Variants in WDR7 observed in about 807,000 individuals in gnomAD.
The protein encoded by WDR7 is WD repeat domain 7, also known as WD repeat-containing protein 7.
Under a neutral mutation model 169.4 loss-of-function variants are expected in WDR7, and 46 were observed. That is an observed-to-expected ratio of 0.27 (90% CI 0.21 to 0.35). WDR7 has a LOEUF of 0.35. Ranked by LOEUF, WDR7 falls within the 10% of genes least tolerant of loss-of-function variation. The probability of loss-of-function intolerance (pLI) is 1.00; values close to 1 mark genes in which losing one functional copy is unlikely to be tolerated. For synonymous variants in WDR7, 612 were observed against 666.8 expected (o/e 0.92, Z 1.27); for missense variants, 1,534 against 1,859.3 (o/e 0.83, Z 3.22).
At chr18:56,779,674 G>A (rs2044289745) in intron 18 of WDR7, 125 bp downstream of exon 18, 2 of 697,080 alleles carry the variant, frequency 2.9e-6, no homozygotes, top group African/African-American at 1.8e-5. Flanking sequence ...GATAGAAAAT[G>A]TGGATTCATG....
chr18:56,742,341 A>G (rs1408188290), intron 14 of WDR7, among the ~76,000 whole-genome samples: 1 of 152,226 alleles, frequency 6.6e-6, no homozygotes, highest in Non-Finnish European at 1.5e-5. Flanking sequence ...CTCTTATTTG[A>G]GAACTCAAAG....
chr18:56,982,808 C>T (rs2047664958), intron 26 of WDR7, among the ~76,000 whole-genome samples: 1 of 152,188 alleles, frequency 6.6e-6, no homozygotes, highest in Admixed American at 6.5e-5. Context: ...AAATAAAGCA[C>T]CATGATAATG....
intron 14 of WDR7, among the ~76,000 whole-genome samples, 159 bp downstream of exon 14, chr18:56,731,756 TC>T (rs2144808261): frequency 6.6e-6 from 1 of 152,354 alleles, no homozygotes; most frequent in African/African-American, 2.4e-5. Context: ...TTTGAGTTTT[TC>T]AAGTACTTGG....
At chr18:56,925,060 T>C (rs555545669) in intron 22 of WDR7, among the ~76,000 whole-genome samples, 2 of 152,342 alleles carry the variant, frequency 1.3e-5, no homozygotes, top group African/African-American at 4.8e-5. Flanking sequence ...GCTTCTTCAC[T>C]GACATGATGT....
At chr18:56,915,012 T>G (rs1457646894) in intron 21 of WDR7, among the ~76,000 whole-genome samples, 2 of 152,236 alleles carry the variant, frequency 1.3e-5, no homozygotes, top group African/African-American at 4.8e-5. Context: ...ACTGTTTTGA[T>G]TAAACTGATG....
intron 12 of WDR7, among the ~76,000 whole-genome samples, chr18:56,700,413 T>C (rs1357713947): frequency 4.0e-5 from 6 of 150,782 alleles, no homozygotes; most frequent in Non-Finnish European, 8.9e-5. Context: ...TGTGCCACCT[T>C]GCCCAGCTAA....
In WDR7 at chr18:56,685,946, C is replaced by G. The variant is rs373448426; in HGVS notation, c.521-10C>G. 2.3e-5 allele frequency: 37 copies of G among 1,592,972 alleles called. No individual in the cohort carries two copies. The African/African-American group carries it at 4.2e-4, about 18-fold the overall frequency. ...AACCTGGGCTGCTTTTTTGTCCCTT[C>G]TCATTTTAGAGGACACAGTGGTAGC... is the stretch of plus-strand genomic sequence containing the variant. On this transcript the variant is annotated splice_polypyrimidine_tract_variant and intron_variant, in intron 5 of 27. Coordinates refer to ENST00000254442, the MANE Select transcript of WDR7 (RefSeq NM_015285.3).
chr18:56,723,934 G>A (rs2026379259), intron 13 of WDR7, among the ~76,000 whole-genome samples: 1 of 151,134 alleles, frequency 6.6e-6, no homozygotes, highest in South Asian at 2.1e-4. Context: ...CAAGCTTACT[G>A]ATATTTTCTT....
At chr18:56,892,294 A>T (rs907368790) in intron 21 of WDR7, among the ~76,000 whole-genome samples, 1 of 152,060 alleles carries the variant, frequency 6.6e-6, no homozygotes, top group African/African-American at 2.4e-5. Context: ...TCTCACTTTA[A>T]TTGTTCTATA....
intron 21 of WDR7, among the ~76,000 whole-genome samples, chr18:56,883,196 C>T (rs1337124576): frequency 8.6e-5 from 11 of 128,414 alleles, no homozygotes; most frequent in African/African-American, 2.8e-4. Flanking sequence ...GGCGACAGAG[C>T]GAGACTCCGT....
chr18:56,784,571 A>G (rs1599040857), intron 19 of WDR7, among the ~76,000 whole-genome samples: 1 of 152,178 alleles, frequency 6.6e-6, no homozygotes, highest in South Asian at 2.1e-4. Context: ...GCATCCTTGG[A>G]TCTTAAATGG....
intron 25 of WDR7, among the ~76,000 whole-genome samples, chr18:56,960,016 C>A (rs1180693356): frequency 1.3e-5 from 2 of 152,130 alleles, no homozygotes; most frequent in African/African-American, 4.8e-5. Context: ...AAGAGAGCCA[C>A]TGCTAAAGGA....
At chr18:56,657,929 AG>A in intron 1 of WDR7, among the ~76,000 whole-genome samples, 2 of 151,416 alleles carry the variant, frequency 1.3e-5, no homozygotes, top group African/African-American at 4.8e-5. Context: ...ATGAAATTAC[AG>A]GGGTTTTTTT....
intron 20 of WDR7, among the ~76,000 whole-genome samples, chr18:56,868,178 C>G (rs553336655): frequency 5.9e-5 from 9 of 152,018 alleles, no homozygotes; most frequent in Non-Finnish European, 1.2e-4. Flanking sequence ...TTTTTCAAAG[C>G]TAGAGATCCT....
intron 14 of WDR7, chr18:56,753,120 A>G (rs558460811): frequency 6.6e-6 from 1 of 152,344 alleles, no homozygotes; most frequent in South Asian, 2.1e-4. Flanking sequence ...AAACGTGGTC[A>G]GATGGGAGGA....
chr18:56,913,323 A>G (rs1001450748), intron 21 of WDR7, among the ~76,000 whole-genome samples: 2 of 152,144 alleles, frequency 1.3e-5, no homozygotes, highest in African/African-American at 2.4e-5. Context: ...TTGCTTCAAA[A>G]CAACAAGAGG....
chr18:56,663,879 A>G (rs1351920437), intron 1 of WDR7, among the ~76,000 whole-genome samples: 1 of 152,084 alleles, frequency 6.6e-6, no homozygotes, highest in African/African-American at 2.4e-5. Flanking sequence ...AAAAAACAAC[A>G]ACAACATGAG....
intron 20 of WDR7, among the ~76,000 whole-genome samples, chr18:56,852,031 G>C (rs938403828): frequency 6.6e-6 from 1 of 152,104 alleles, no homozygotes; most frequent in Non-Finnish European, 1.5e-5. Context: ...CTCAGCCTCT[G>C]ACCTTCTCTG....
chr18:56,962,184 T>C (rs1237250680), intron 25 of WDR7, among the ~76,000 whole-genome samples: 1 of 152,126 alleles, frequency 6.6e-6, no homozygotes, highest in Non-Finnish European at 1.5e-5. Context: ...GTAAGTTGTT[T>C]CTGTTGAAAA....
Sources: gnomAD v4.1 joint callset for allele counts (sites outside exome capture counted in the v4.1 genomes callset) on GRCh38, gnomAD v4.1.1 for gene constraint, MANE v1.5 for transcripts, NCBI Gene and HGNC (gene_info 2026-07-23, HGNC 2026-07-21) for gene names.